The following SRGAP2C variants were observed in gnomAD, a reference collection of about 807,000 sequenced individuals.
SRGAP2C encodes the protein SLIT-ROBO Rho GTPase activating protein 2C.
SRGAP2C carries 15 observed loss-of-function variants against 25.1 expected under a neutral mutation model. That is an observed-to-expected ratio of 0.60 (90% CI 0.40 to 0.92). The LOEUF is 0.92. Among genes scored for constraint, SRGAP2C ranks in the 40% least tolerant of loss-of-function variants. The pLI is 0.00. For synonymous variants in SRGAP2C, 44 were observed against 96.6 expected, an observed-to-expected ratio of 0.46 and a Z score of 3.19; for missense variants, 144 against 264.4, an observed-to-expected ratio of 0.54 and a Z score of 3.16.
In SRGAP2C at chr1:121,278,003, C is replaced by A. The variant is rs1393354777; in HGVS notation, c.68-6800C>A. The stretch of plus-strand genomic sequence containing the variant: ...TCACCCAGGCTGGAGTATAGTGGCA[C>A]AATCACGGCTCACTGTGGCCTTGAC... On this transcript the variant is annotated intron_variant, in intron 2 of 9. Transcript: ENST00000367123. Among the ~76,000 whole-genome samples, 257 of 147,712 alleles carry A rather than the reference C, an allele frequency of 1.7e-3. 2 individuals are homozygous for A. Among genetic ancestry groups the A allele is most frequent in the Non-Finnish European group, 3.3e-3 (219 of 66,408 alleles).
intron 8 of SRGAP2C, among the ~76,000 whole-genome samples, chr1:121,385,961 C>A (rs1170375946): frequency 5.3e-5 from 8 of 149,686 alleles, no homozygotes; most frequent in African/African-American, 9.9e-5. Context: ...AGATTCCATA[C>A]CCTCTCGGGC....
At chr1:121,375,075 C>T (rs1553352802) in intron 7 of SRGAP2C, 121 bp downstream of exon 7, 2 of 622,782 alleles carry the variant, frequency 3.2e-6, no homozygotes, top group East Asian at 5.5e-5. Context: ...AGGAAGATAG[C>T]AGCCATGATC....
intron 2 of SRGAP2C, among the ~76,000 whole-genome samples, chr1:121,272,176 AAAG>A (rs1656980857): frequency 1.4e-5 from 1 of 73,278 alleles, no homozygotes; most frequent in South Asian, 4.6e-4. Context: ...AAAAAAAAAA[AAAG>A]AAGAAGAAAT....
chr1:121,303,416 T>C (rs1424203369), intron 3 of SRGAP2C, among the ~76,000 whole-genome samples: 1 of 151,768 alleles, frequency 6.6e-6, no homozygotes, highest in Non-Finnish European at 1.5e-5. Context: ...TTCTGTGTCT[T>C]ATTGATATGT....
intron 4 of SRGAP2C, among the ~76,000 whole-genome samples, chr1:121,364,305 TTTCC>T (rs1659272266): frequency 7.1e-6 from 1 of 141,620 alleles, no homozygotes; most frequent in African/African-American, 2.6e-5. Context: ...TCCTCCTTTC[TTTCC>T]TTTTCTTTTC....
intron 4 of SRGAP2C, among the ~76,000 whole-genome samples, chr1:121,348,718 G>T (rs1460831866): frequency 6.7e-6 from 1 of 148,508 alleles, no homozygotes; most frequent in Middle Eastern, 3.4e-3. Flanking sequence ...AGACAAAATA[G>T]CATTGAAGGA....
chr1:121,351,425 T>C (rs1658902840), intron 4 of SRGAP2C, among the ~76,000 whole-genome samples: 1 of 151,106 alleles, frequency 6.6e-6, no homozygotes, highest in Non-Finnish European at 1.5e-5. Context: ...CTGGCTAACA[T>C]GGTGAAACCC....
At chr1:121,340,451 ATAT>A (rs1253691487) in intron 4 of SRGAP2C, among the ~76,000 whole-genome samples, 2 of 150,472 alleles carry the variant, frequency 1.3e-5, no homozygotes, top group African/African-American at 4.9e-5. Flanking sequence ...GAGTTTAATA[ATAT>A]TATTTTATTG....
At chr1:121,262,767 A>T (rs1656655907) in intron 2 of SRGAP2C, among the ~76,000 whole-genome samples, 2 of 150,194 alleles carry the variant, frequency 1.3e-5, no homozygotes, top group African/African-American at 4.9e-5. Context: ...TCAGCCTTTT[A>T]TTCTGAGAAA....
At chr1:121,296,322 A>G (rs1228149618) in intron 3 of SRGAP2C, among the ~76,000 whole-genome samples, 5 of 150,420 alleles carry the variant, frequency 3.3e-5, no homozygotes, top group African/African-American at 9.8e-5. Context: ...AGAGTTTAGA[A>G]GAACAAAGGG....
chr1:121,211,506 G>T (rs1553323720), intron 2 of SRGAP2C, among the ~76,000 whole-genome samples: 1 of 149,736 alleles, frequency 6.7e-6, no homozygotes, highest in African/African-American at 2.5e-5. Context: ...TTAAGTATTT[G>T]TAATTTCTAT....
intron 3 of SRGAP2C, among the ~76,000 whole-genome samples, chr1:121,300,112 CTT>C (rs1657671904): frequency 1.4e-5 from 2 of 141,656 alleles, no homozygotes; most frequent in South Asian, 4.6e-4. Flanking sequence ...AATGTGTGTC[CTT>C]TCTTACCACA....
At chr1:121,238,667 G>A (rs587761508) in intron 2 of SRGAP2C, among the ~76,000 whole-genome samples, 1 of 151,766 alleles carries the variant, frequency 6.6e-6, no homozygotes, top group Non-Finnish European at 1.5e-5. Flanking sequence ...AGGCTTGAGT[G>A]CAGTAGTGTG....
intron 3 of SRGAP2C, among the ~76,000 whole-genome samples, chr1:121,323,240 C>T (rs1163051126): frequency 3.4e-5 from 5 of 148,704 alleles, no homozygotes; most frequent in African/African-American, 1.2e-4. Flanking sequence ...ATCCAACTTC[C>T]AAATGTAGAA....
intron 2 of SRGAP2C, among the ~76,000 whole-genome samples, chr1:121,249,570 ATATATATATATTTTTT>A (rs1382335620): frequency 4.7e-4 from 16 of 33,978 alleles, no homozygotes; most frequent in African/African-American, 1.8e-3. Context: ...ATATATATAT[ATATATATATATTTTTT>A]TTTTTTTTTT....
At chr1:121,359,491 A>G (rs1223199626) in intron 4 of SRGAP2C, among the ~76,000 whole-genome samples, 2 of 152,168 alleles carry the variant, frequency 1.3e-5, no homozygotes, top group Admixed American at 6.5e-5. Context: ...CAATTTTTTT[A>G]AAAATTAGCC....
At chr1:121,363,875 T>C (rs1416523779) in intron 4 of SRGAP2C, among the ~76,000 whole-genome samples, 2 of 151,390 alleles carry the variant, frequency 1.3e-5, no homozygotes, top group African/African-American at 4.9e-5. Flanking sequence ...AGAGTGGTGA[T>C]TTCTTAGTGG....
chr1:121,374,581 G>T (rs1659587423), intron 6 of SRGAP2C, among the ~76,000 whole-genome samples: 1 of 152,170 alleles, frequency 6.6e-6, no homozygotes, highest in South Asian at 2.1e-4. Context: ...AATGAAGAAT[G>T]ATATTTGAAG....
At chr1:121,249,568 ATATATATATATAT>A (rs1453832936) in intron 2 of SRGAP2C, among the ~76,000 whole-genome samples, 114 of 36,906 alleles carry the variant, frequency 3.1e-3, no homozygotes, top group East Asian at 5.4e-3. Flanking sequence ...ATATATATAT[ATATATATATATAT>A]TTTTTTTTTT....
Sources: allele counts gnomAD v4.1 joint callset (sites outside exome capture counted in the v4.1 genomes callset), GRCh38; gene constraint gnomAD v4.1.1; transcripts MANE v1.5; gene names NCBI Gene and HGNC (gene_info 2026-07-23, HGNC 2026-07-21).